Variants in KCNIP4 observed in about 807,000 individuals in gnomAD.
KCNIP4 encodes the protein Kv channel-interacting protein 4.
KCNIP4 carries 12 observed loss-of-function variants against 34.0 expected under a neutral mutation model. The ratio of observed to expected loss-of-function variants is 0.35; its 90% confidence interval spans 0.23 to 0.57. The LOEUF (loss-of-function observed/expected upper bound fraction) is 0.57. Among genes scored for constraint, KCNIP4 ranks in the 20% least tolerant of loss-of-function variants. The pLI, the probability that KCNIP4 is intolerant of heterozygous loss-of-function variation, is 0.83. For synonymous variants in KCNIP4, 124 were observed against 102.2 expected (o/e 1.21, Z -1.29); for missense variants, 238 against 311.7 (o/e 0.76, Z 1.78).
At chr4:21,084,739 C>A (rs1746274459) in intron 1 of KCNIP4, among the ~76,000 whole-genome samples, 1 of 151,188 alleles carries the variant, frequency 6.6e-6, no homozygotes, top group East Asian at 1.9e-4. Context: ...TATTTAGATC[C>A]TCATCTCTCA....
chr4:21,732,718 C>G (rs1342855672), intron 1 of KCNIP4, among the ~76,000 whole-genome samples: 1 of 152,062 alleles, frequency 6.6e-6, no homozygotes, highest in Non-Finnish European at 1.5e-5. Flanking sequence ...TCAATACATT[C>G]GCCTCTCAAG....
chr4:20,751,057 G>A (rs895337094), intron 4 of KCNIP4, among the ~76,000 whole-genome samples: 19 of 152,076 alleles, frequency 1.2e-4, no homozygotes, highest in African/African-American at 3.6e-4. Flanking sequence ...TGTTTTTCCC[G>A]AATGCTTCAG....
intron 1 of KCNIP4, among the ~76,000 whole-genome samples, chr4:21,652,936 A>G (rs555794778): frequency 6.6e-6 from 1 of 152,282 alleles, no homozygotes; most frequent in East Asian, 1.9e-4. Context: ...GGCAACAGAG[A>G]AAGGTTTCCA....
chr4:21,056,181 G>A (rs1003711120), intron 1 of KCNIP4, among the ~76,000 whole-genome samples: 2 of 152,146 alleles, frequency 1.3e-5, no homozygotes, highest in African/African-American at 4.8e-5. Flanking sequence ...TAGGTAGTCT[G>A]AAGTTTGCAT....
At chr4:21,319,671 C>A (rs1386695535) in intron 1 of KCNIP4, among the ~76,000 whole-genome samples, 2 of 152,178 alleles carry the variant, frequency 1.3e-5, no homozygotes, top group Non-Finnish European at 2.9e-5. Flanking sequence ...TCAAGACCAT[C>A]CAGTATATTC....
chr4:21,373,176 A>G (rs1197026386), intron 1 of KCNIP4, among the ~76,000 whole-genome samples: 1 of 146,750 alleles, frequency 6.8e-6, no homozygotes. Flanking sequence ...GTAAAAAATT[A>G]TCTGGCTGTG....
chr4:21,499,391 G>A lies in KCNIP4; in HGVS notation c.61+449180C>T, dbSNP rs184850800. ...TTTTATTTATTAAAATCGCTTCCAC[G>A]TTTTTTATTTCAAAGCTTGAACAAT... On this transcript the variant is annotated intron_variant, in intron 1 of 8. Coordinates refer to ENST00000382152, the MANE Select transcript of KCNIP4 (RefSeq NM_025221.6). Among the ~76,000 whole-genome samples the A allele has an allele frequency of 2.2e-4, 33 of 150,156 alleles. 1 individual carries two copies. The highest frequency in any genetic ancestry group is 3.5e-3 in the Middle Eastern group (1 of 284).
chr4:21,019,863 G>A (rs953913034), intron 1 of KCNIP4, among the ~76,000 whole-genome samples: 1 of 152,074 alleles, frequency 6.6e-6, no homozygotes, highest in Admixed American at 6.6e-5. Flanking sequence ...AAAGGAAGAG[G>A]AAAGAAGTAT....
intron 4 of KCNIP4, among the ~76,000 whole-genome samples, chr4:20,755,263 T>G (rs1397508168): frequency 6.6e-6 from 1 of 152,196 alleles, no homozygotes; most frequent in East Asian, 1.9e-4. Flanking sequence ...AAATTTGTTT[T>G]GACATGTTAG....
chr4:20,831,007 T>C (rs912956262), intron 3 of KCNIP4, among the ~76,000 whole-genome samples: 1 of 152,202 alleles, frequency 6.6e-6, no homozygotes, highest in Non-Finnish European at 1.5e-5. Flanking sequence ...AGTCAAGACT[T>C]TTAGTATTTG....
intron 1 of KCNIP4, chr4:21,763,178 C>T: frequency 8.8e-7 from 1 of 1,139,740 alleles, no homozygotes; most frequent in Non-Finnish European, 1.2e-6. Context: ...AAGAACATTG[C>T]CCAGATTATC....
chr4:21,139,843 A>T (rs1386873062), intron 1 of KCNIP4, among the ~76,000 whole-genome samples: 1 of 152,156 alleles, frequency 6.6e-6, no homozygotes. Context: ...AACCTATGAC[A>T]CTATTTTTAG....
intron 1 of KCNIP4, among the ~76,000 whole-genome samples, chr4:21,609,628 A>G (rs1743994416): frequency 6.6e-6 from 1 of 152,220 alleles, no homozygotes; most frequent in Non-Finnish European, 1.5e-5. Flanking sequence ...AATGAAGATG[A>G]TATTTCTTAA....
At chr4:21,900,400 G>A (rs56102367) in intron 1 of KCNIP4, among the ~76,000 whole-genome samples, 30,633 of 152,092 alleles carry the variant, frequency 0.2, 3,786 homozygotes, top group Non-Finnish European at 0.28. Context: ...TTGGTTGACC[G>A]ATTCATTTCC....
chr4:21,812,422 A>G (rs998902288), intron 1 of KCNIP4, among the ~76,000 whole-genome samples: 2 of 152,222 alleles, frequency 1.3e-5, no homozygotes, highest in African/African-American at 4.8e-5. Flanking sequence ...AGATTTCTGT[A>G]TTCCAGGAAC....
intron 1 of KCNIP4, among the ~76,000 whole-genome samples, chr4:21,063,647 A>G (rs933885876): frequency 1.3e-5 from 2 of 152,300 alleles, no homozygotes; most frequent in Admixed American, 1.3e-4. Context: ...CTTATATCAC[A>G]CCAGTCTAAA....
At chr4:21,107,824 G>C (rs1351645245) in intron 1 of KCNIP4, among the ~76,000 whole-genome samples, 1 of 151,256 alleles carries the variant, frequency 6.6e-6, no homozygotes, top group Non-Finnish European at 1.5e-5. Flanking sequence ...GCATTTGCTT[G>C]TCTGTAAAGT....
rs981652956 is a variant in KCNIP4 at position 20,767,498 on chromosome 4, T to A, written c.289-8608A>T. ...GATCCATGTATGCATAGGAAATTGC[T>A]AAGAAACATATTTTGTGAGTGCTTC... On this transcript the variant is annotated intron_variant, in intron 3 of 8. Transcript: ENST00000382152. 3.3e-5 allele frequency: 5 copies of A among 152,194 alleles called. No individual in the cohort carries two copies. In the South Asian group the frequency reaches 1.0e-3, roughly 31 times the overall value. The allele number at this position is 152,194 out of a possible 1,614,324, so 9.4% of individuals were successfully genotyped here.
At chr4:21,362,249 A>G (rs539342621) in intron 1 of KCNIP4, among the ~76,000 whole-genome samples, 1 of 152,240 alleles carries the variant, frequency 6.6e-6, no homozygotes, top group African/African-American at 2.4e-5. Flanking sequence ...ATGCAGATGA[A>G]CCCTGTATTA....
Sources: allele counts gnomAD v4.1 joint callset (sites outside exome capture counted in the v4.1 genomes callset), GRCh38; gene constraint gnomAD v4.1.1; transcripts MANE v1.5; gene names NCBI Gene and HGNC (gene_info 2026-07-23, HGNC 2026-07-21).